The following ELFN2 variants were observed in gnomAD, a reference collection of about 807,000 sequenced individuals.
ELFN2 encodes the protein extracellular leucine rich repeat and fibronectin type III domain containing 2.
Under a neutral mutation model 45.5 loss-of-function variants are expected in ELFN2, and 17 were observed. The observed-to-expected ratio is 0.37, with a 90% CI of 0.26 to 0.56. The LOEUF is 0.56. ELFN2 is among the 20% of genes least tolerant of loss of function. The pLI, the probability that ELFN2 is intolerant of heterozygous loss-of-function variation, is 0.77. For missense variants in ELFN2, 922 were observed against 1,183.2 expected (o/e 0.78, Z 3.24); for synonymous variants, 550 against 551.5 (o/e 1.00, Z 0.04).
chr22:37,356,242 C>G (rs752112217), intron 1 of ELFN2, among the ~76,000 whole-genome samples: 2 of 152,144 alleles, frequency 1.3e-5, no homozygotes, highest in Non-Finnish European at 2.9e-5. Context: ...CCACCTGCCC[C>G]TGGGCTCTAC....
At chr22:37,351,338 C>T (rs1930816411) in intron 1 of ELFN2, among the ~76,000 whole-genome samples, 1 of 150,338 alleles carries the variant, frequency 6.7e-6, no homozygotes, top group Admixed American at 6.6e-5. Flanking sequence ...TGGCAGGAGG[C>T]TCAGAGAGCA....
chr22:37,348,372 G>A (rs576424993), intron 1 of ELFN2, among the ~76,000 whole-genome samples: 3 of 137,656 alleles, frequency 2.2e-5, no homozygotes, highest in African/African-American at 4.9e-5. Flanking sequence ...GGAGACAGGC[G>A]TGGCTGTGGG....
Position 37,405,727 on chromosome 22 carries a change from G to T in ELFN2, c.-463+12042C>A, listed in dbSNP as rs373066676. ...CTTAGCCTGAGACAGGGCTGCATGA[G>T]ACTACCTGGATCTGAACCCTTTCCT... On this transcript the variant is annotated intron_variant, in intron 2 of 2. Coordinates refer to ENST00000402918, the MANE Select transcript of ELFN2 (RefSeq NM_052906.5). Among the ~76,000 whole-genome samples, 13 of 151,876 alleles carry T rather than the reference G, an allele frequency of 8.6e-5. No homozygotes were observed. In the East Asian group the frequency reaches 2.3e-3, roughly 27 times the overall value.
At chr22:37,425,622 A>T (rs1569146558) in intron 1 of ELFN2, among the ~76,000 whole-genome samples, 1 of 152,012 alleles carries the variant, frequency 6.6e-6, no homozygotes, top group Non-Finnish European at 1.5e-5. Context: ...CTGACCTCAC[A>T]TACATACTTT....
At chr22:37,393,591 C>G (rs954841244) in intron 2 of ELFN2, among the ~76,000 whole-genome samples, 1 of 152,224 alleles carries the variant, frequency 6.6e-6, no homozygotes, top group African/African-American at 2.4e-5. Context: ...ACGCCCCAGG[C>G]CTTGCGCTAA....
intron 1 of ELFN2, among the ~76,000 whole-genome samples, chr22:37,350,028 G>A (rs374236217): frequency 2.7e-5 from 4 of 150,874 alleles, no homozygotes; most frequent in Admixed American, 6.6e-5. Context: ...TGGTCCTGGC[G>A]GGCAGTGGGG....
intron 2 of ELFN2, among the ~76,000 whole-genome samples, chr22:37,342,312 G>A (rs984482623): frequency 3.0e-4 from 45 of 152,124 alleles, no homozygotes; most frequent in African/African-American, 1.0e-3. Context: ...GAATAGGCCC[G>A]TCTGCCCCTT....
chr22:37,387,675 TC>T (rs1295441392), intron 2 of ELFN2, among the ~76,000 whole-genome samples: 26 of 152,114 alleles, frequency 1.7e-4, no homozygotes, highest in African/African-American at 6.3e-4. Flanking sequence ...AGCTTTGCTT[TC>T]CCGCGACCTC....
chr22:37,422,943 CGGG>C lies in ELFN2; in HGVS notation c.-614+4352_-614+4354del, dbSNP rs67054331. Among the ~76,000 whole-genome samples the C allele has an allele frequency of 5.3e-3, 155 of 29,232 alleles. 2 individuals carry two copies. The highest frequency in any genetic ancestry group is 0.042 in the Middle Eastern group (1 of 24). 19.2% of individuals were successfully genotyped at this position (29,232 alleles called of 152,430 possible). A position where few individuals can be genotyped will look rare whatever the true frequency, so the allele number is the denominator to read the frequency against. On this transcript the variant is annotated intron_variant, in intron 1 of 2. Coordinates refer to ENST00000402918, the MANE Select transcript of ELFN2 (RefSeq NM_052906.5). ...ACTTCATATTGAGGAAACTGGGCCT[CGGG>C]GGGGGGGGGGGAAGTGACTTGCCCA...
intron 2 of ELFN2, among the ~76,000 whole-genome samples, chr22:37,402,843 C>A (rs1212842858): frequency 1.3e-5 from 2 of 152,134 alleles, no homozygotes; most frequent in Admixed American, 1.3e-4. Flanking sequence ...CCAGCCAACC[C>A]GAGGCATGCC....
At chr22:37,407,950 C>T (rs1418581056) in intron 2 of ELFN2, among the ~76,000 whole-genome samples, 1 of 152,132 alleles carries the variant, frequency 6.6e-6, no homozygotes, top group Non-Finnish European at 1.5e-5. Context: ...TGCAGATAAT[C>T]CCAACTCATG....
downstream of ELFN2, among the ~76,000 whole-genome samples, chr22:37,362,963 C>T (rs1315090993): frequency 6.6e-6 from 1 of 152,186 alleles, no homozygotes; most frequent in African/African-American, 2.4e-5. Context: ...AGCCCATTGC[C>T]AGCACCCAAG....
At chr22:37,378,472 C>G (rs962982799) in intron 2 of ELFN2, among the ~76,000 whole-genome samples, 2 of 152,210 alleles carry the variant, frequency 1.3e-5, no homozygotes, top group African/African-American at 4.8e-5. Flanking sequence ...AGAGGCTGAG[C>G]GTGGAGGGGC....
At chr22:37,397,925 G>A (rs935428870) in intron 2 of ELFN2, among the ~76,000 whole-genome samples, 7 of 152,210 alleles carry the variant, frequency 4.6e-5, no homozygotes, top group East Asian at 1.9e-4. Context: ...GTGTGGCCTC[G>A]GCAGCCCGCG....
At position 37,371,351 on chromosome 22, in the gene ELFN2, T is replaced by TG. The variant is rs1322715114; in HGVS notation, c.*1720dup. On this transcript the variant is annotated 3_prime_UTR_variant, in exon 3 of 3. Transcript: ENST00000402918. This position sits in a 1 kb window ranked among gnomAD's most constrained non-coding sequence, Gnocchi z 6.4. ...CCCATGTGGGCCACAGGCCCTAGAC[T>TG]GGGGGTCTCTGGCAGGGGCGTGGGG... 1 of 152,164 alleles carries TG rather than the reference T, an allele frequency of 6.6e-6. No individual in the cohort carries two copies. Among genetic ancestry groups the TG allele is most frequent in the Non-Finnish European group, 1.5e-5 (1 of 68,060 alleles). 9.4% of individuals were successfully genotyped at this position (152,164 alleles called of 1,614,324 possible).
chr22:37,381,177 A>G (rs1393468481), intron 2 of ELFN2, among the ~76,000 whole-genome samples: 1 of 152,096 alleles, frequency 6.6e-6, no homozygotes, highest in Admixed American at 6.5e-5. Context: ...CGAATCTTAT[A>G]TCAACCCCAC....
At chr22:37,392,701 T>C (rs1932115222) in intron 2 of ELFN2, among the ~76,000 whole-genome samples, 1 of 152,156 alleles carries the variant, frequency 6.6e-6, no homozygotes. Flanking sequence ...CAAGATCACA[T>C]TGCAAGAAAG....
intron 1 of ELFN2, among the ~76,000 whole-genome samples, chr22:37,359,809 A>G (rs1028460396): frequency 1.3e-5 from 2 of 152,070 alleles, no homozygotes; most frequent in African/African-American, 4.8e-5. Flanking sequence ...GGTGGAAGAA[A>G]CAGCTTTACA....
chr22:37,382,305 C>CAA (rs1931806677), intron 2 of ELFN2, among the ~76,000 whole-genome samples: 2 of 151,484 alleles, frequency 1.3e-5, no homozygotes, highest in Non-Finnish European at 2.9e-5. Context: ...TTTTTTTTTT[C>CAA]CTTTTCTTTG....
Sources: gnomAD v4.1 joint callset for allele counts (sites outside exome capture counted in the v4.1 genomes callset) on GRCh38, gnomAD v4.1.1 for gene constraint, Gnocchi (gnomAD v3.1) non-coding constraint, MANE v1.5 for transcripts, NCBI Gene and HGNC (gene_info 2026-07-23, HGNC 2026-07-21) for gene names.